POFUT3: variants seen among roughly 807,000 people sequenced by gnomAD.
The protein encoded by POFUT3 is GDP-fucose protein O-fucosyltransferase 3.
the POFUT3 span, among the ~76,000 whole-genome samples, chr8:33,444,933 C>CTTTTT: frequency 4.2e-3 from 512 of 121,602 alleles, 20 homozygotes; most frequent in East Asian, 9.4e-3. Flanking sequence ...TGACCTTCAT[C>CTTTTT]TTTTTTTTTT....
At chr8:33,309,840 G>A in the POFUT3 span, among the ~76,000 whole-genome samples, 4 of 152,218 alleles carry the variant, frequency 2.6e-5, no homozygotes, top group South Asian at 8.3e-4. Context: ...AACTTGGCAG[G>A]GGAAACTGAA....
the POFUT3 span, among the ~76,000 whole-genome samples, chr8:33,422,545 C>G: frequency 2.7e-5 from 1 of 37,130 alleles, no homozygotes; most frequent in African/African-American, 8.0e-5. Context: ...AACTCTGTCT[C>G]AAAAAAAAAA....
At chr8:33,421,958 C>T in the POFUT3 span, among the ~76,000 whole-genome samples, 1 of 150,858 alleles carries the variant, frequency 6.6e-6, no homozygotes, top group East Asian at 2.0e-4. Flanking sequence ...AAAGAACAAA[C>T]TTTTTAGGCC....
At chr8:33,453,237 T>C in the POFUT3 span, 1 of 1,614,160 alleles carries the variant, frequency 6.2e-7, no homozygotes, top group Non-Finnish European at 8.5e-7. Flanking sequence ...AATGCTTTGG[T>C]CATGTGATGA....
the POFUT3 span, among the ~76,000 whole-genome samples, chr8:33,335,759 A>T: frequency 6.6e-6 from 1 of 152,230 alleles, no homozygotes; most frequent in Non-Finnish European, 1.5e-5. Flanking sequence ...TAGAAAAGTC[A>T]GCTAGAAAAA....
At chr8:33,374,612 A>G in the POFUT3 span, among the ~76,000 whole-genome samples, 1 of 152,198 alleles carries the variant, frequency 6.6e-6, no homozygotes, top group African/African-American at 2.4e-5. Flanking sequence ...TAATGTGCCA[A>G]TATGAATTTC....
At chr8:33,321,305 A>C in the POFUT3 span, among the ~76,000 whole-genome samples, 18 of 152,266 alleles carry the variant, frequency 1.2e-4, no homozygotes, top group East Asian at 3.1e-3. Context: ...CAGAGAAGAT[A>C]CAGCTGAAGG....
the POFUT3 span, among the ~76,000 whole-genome samples, chr8:33,348,408 C>CA: frequency 3.3e-5 from 5 of 150,720 alleles, no homozygotes; most frequent in Admixed American, 1.3e-4. Flanking sequence ...GAATTTCAAC[C>CA]AAAAAAAAAG....
At chr8:33,410,026 G>A in the POFUT3 span, among the ~76,000 whole-genome samples, 1 of 152,200 alleles carries the variant, frequency 6.6e-6, no homozygotes, top group South Asian at 2.1e-4. Context: ...AACATCAATA[G>A]CTTCTAGCAC....
At chr8:33,323,980 A>G in the POFUT3 span, among the ~76,000 whole-genome samples, 1 of 152,188 alleles carries the variant, frequency 6.6e-6, no homozygotes, top group Non-Finnish European at 1.5e-5. Flanking sequence ...CTCACCTAAG[A>G]GCCCAGAGCA....
the POFUT3 span, among the ~76,000 whole-genome samples, chr8:33,429,291 G>C: frequency 6.6e-6 from 1 of 152,134 alleles, no homozygotes; most frequent in Admixed American, 6.6e-5. Context: ...GCAATTCAGG[G>C]TACAGAGTTT....
At chr8:33,397,915 G>A in the POFUT3 span, among the ~76,000 whole-genome samples, 3 of 152,270 alleles carry the variant, frequency 2.0e-5, no homozygotes, top group South Asian at 6.2e-4. Flanking sequence ...GAGAAGCATA[G>A]GCATTTCTAA....
the POFUT3 span, among the ~76,000 whole-genome samples, chr8:33,439,835 C>T: frequency 2.0e-5 from 3 of 152,096 alleles, no homozygotes; most frequent in Middle Eastern, 3.4e-3. Flanking sequence ...CCACTGCATT[C>T]CAGCCTGGGT....
chr8:33,435,045 G>A, the POFUT3 span, among the ~76,000 whole-genome samples: 1 of 152,152 alleles, frequency 6.6e-6, no homozygotes, highest in South Asian at 2.1e-4. Context: ...GAAGGAGACA[G>A]GGAGTAACTG....
chr8:33,353,430 C>T, the POFUT3 span, among the ~76,000 whole-genome samples: 1 of 152,074 alleles, frequency 6.6e-6, no homozygotes, highest in Non-Finnish European at 1.5e-5. Flanking sequence ...CAAGGTCATC[C>T]TAGAGGCTGC....
At chr8:33,312,627 C>G in the POFUT3 span, among the ~76,000 whole-genome samples, 1 of 152,118 alleles carries the variant, frequency 6.6e-6, no homozygotes, top group Non-Finnish European at 1.5e-5. Context: ...TCATAATAGT[C>G]TAGGAAGCTC....
chr8:33,471,441 G>A, the POFUT3 span, among the ~76,000 whole-genome samples: 2 of 151,948 alleles, frequency 1.3e-5, no homozygotes, highest in Non-Finnish European at 2.9e-5. Context: ...TAGTAGAGAC[G>A]GGGTTTCACC....
At chr8:33,440,349 A>G in the POFUT3 span, among the ~76,000 whole-genome samples, 8 of 152,142 alleles carry the variant, frequency 5.3e-5, no homozygotes, top group Admixed American at 5.2e-4. Context: ...GCAACTGAGC[A>G]AGACCCTCTC....
At chr8:33,310,921 C>G in the POFUT3 span, among the ~76,000 whole-genome samples, 3 of 152,196 alleles carry the variant, frequency 2.0e-5, no homozygotes, top group Non-Finnish European at 2.9e-5. Flanking sequence ...AGAATGTCCT[C>G]ATGTAAGGTT....
Sources: allele counts gnomAD v4.1 joint callset (sites outside exome capture counted in the v4.1 genomes callset), GRCh38; gene constraint gnomAD v4.1.1; transcripts MANE v1.5; gene names NCBI Gene and HGNC (gene_info 2026-07-23, HGNC 2026-07-21).